Variants in LOC128462377 observed in about 807,000 individuals in gnomAD.
At chr16:89,366,071 A>G in the LOC128462377 span, among the ~76,000 whole-genome samples, 1 of 147,218 alleles carries the variant, frequency 6.8e-6, no homozygotes, top group Non-Finnish European at 1.5e-5. Context: ...TGGAGGTTGC[A>G]GTGAGCTAAA....
the LOC128462377 span, among the ~76,000 whole-genome samples, chr16:89,346,251 A>G: frequency 6.2e-4 from 24 of 38,820 alleles, 1 homozygote; most frequent in Admixed American, 1.2e-3. Flanking sequence ...CCGTCTCAGG[A>G]AAAAAAAAAA....
chr16:89,379,444 G>A, the LOC128462377 span, among the ~76,000 whole-genome samples: 1 of 152,198 alleles, frequency 6.6e-6, no homozygotes, highest in African/African-American at 2.4e-5. Flanking sequence ...CCCTGTCAGG[G>A]CATCCAAAAC....
chr16:89,347,806 C>G, the LOC128462377 span, among the ~76,000 whole-genome samples: 731 of 152,216 alleles, frequency 4.8e-3, 8 homozygotes, highest in African/African-American at 0.017. Context: ...TTAGGAAAAA[C>G]ATATTCAGTT....
chr16:89,397,767 A>G, the LOC128462377 span, among the ~76,000 whole-genome samples: 1 of 152,234 alleles, frequency 6.6e-6, no homozygotes, highest in Non-Finnish European at 1.5e-5. Flanking sequence ...CTTCTGATTG[A>G]CAGGCAAGGG....
At chr16:89,323,011 T>C in the LOC128462377 span, 2 of 305,470 alleles carry the variant, frequency 6.5e-6, no homozygotes, top group East Asian at 2.1e-4. Context: ...GCCCGGCTAA[T>C]TTCTGTACTT....
the LOC128462377 span, among the ~76,000 whole-genome samples, chr16:89,392,905 C>T: frequency 6.6e-6 from 1 of 151,816 alleles, no homozygotes; most frequent in Non-Finnish European, 1.5e-5. Context: ...GTCTAATCAC[C>T]ACCTTGGGAC....
At chr16:89,318,001 G>C in the LOC128462377 span, among the ~76,000 whole-genome samples, 2 of 152,136 alleles carry the variant, frequency 1.3e-5, no homozygotes, top group African/African-American at 2.4e-5. Context: ...AGAACTTTCC[G>C]AAGCAGCCAC....
the LOC128462377 span, among the ~76,000 whole-genome samples, chr16:89,350,060 T>C: frequency 2.0e-5 from 3 of 152,220 alleles, no homozygotes; most frequent in South Asian, 4.1e-4. Context: ...AATACATGGA[T>C]AGTCCCTTCC....
chr16:89,320,621 G>T, the LOC128462377 span, among the ~76,000 whole-genome samples: 1 of 152,252 alleles, frequency 6.6e-6, no homozygotes, highest in South Asian at 2.1e-4. Context: ...GTCCAGGGTG[G>T]TGGGAGTCCC....
chr16:89,349,861 AAC>A, the LOC128462377 span, among the ~76,000 whole-genome samples: 14,532 of 132,886 alleles, frequency 0.11, 784 homozygotes, highest in Admixed American at 0.16. Context: ...TACTTGTTAA[AAC>A]ACACACACAC....
At chr16:89,349,757 A>C in the LOC128462377 span, among the ~76,000 whole-genome samples, 24 of 152,154 alleles carry the variant, frequency 1.6e-4, no homozygotes, top group Non-Finnish European at 3.1e-4. Context: ...AAAAGCACAA[A>C]GTACCCAAGA....
the LOC128462377 span, among the ~76,000 whole-genome samples, chr16:89,331,221 T>C: frequency 6.6e-6 from 1 of 152,254 alleles, no homozygotes; most frequent in Non-Finnish European, 1.5e-5. Context: ...CCCAAAGTGC[T>C]AGGATTACAG....
chr16:89,402,638 G>T, the LOC128462377 span, among the ~76,000 whole-genome samples: 1 of 150,636 alleles, frequency 6.6e-6, no homozygotes, highest in African/African-American at 2.4e-5. Context: ...GCTGTGGGTG[G>T]GGGGGGCAGC....
At chr16:89,380,411 C>T in the LOC128462377 span, among the ~76,000 whole-genome samples, 5 of 152,194 alleles carry the variant, frequency 3.3e-5, no homozygotes, top group East Asian at 9.6e-4. Flanking sequence ...TGTGCCCAGC[C>T]CAATGATGCC....
At chr16:89,339,395 A>C in the LOC128462377 span, among the ~76,000 whole-genome samples, 14 of 152,174 alleles carry the variant, frequency 9.2e-5, no homozygotes, top group African/African-American at 3.1e-4. Context: ...AGAAACCAAG[A>C]ACTGGGAAAG....
At chr16:89,342,209 TGA>T in the LOC128462377 span, among the ~76,000 whole-genome samples, 1 of 152,198 alleles carries the variant, frequency 6.6e-6, no homozygotes, top group Non-Finnish European at 1.5e-5. Context: ...GTCTCCACCA[TGA>T]GAGAGAAAAA....
chr16:89,334,171 A>T, the LOC128462377 span, among the ~76,000 whole-genome samples: 1 of 144,610 alleles, frequency 6.9e-6, no homozygotes, highest in South Asian at 2.2e-4. Context: ...AAAAAAAAAA[A>T]AACAGAGAGA....
the LOC128462377 span, among the ~76,000 whole-genome samples, chr16:89,387,435 G>A: frequency 6.6e-6 from 1 of 152,114 alleles, no homozygotes; most frequent in South Asian, 2.1e-4. Context: ...CACTTTGGGA[G>A]GCTGAGGCGG....
chr16:89,387,881 G>T, the LOC128462377 span, among the ~76,000 whole-genome samples: 4 of 150,744 alleles, frequency 2.7e-5, no homozygotes, highest in African/African-American at 7.3e-5. Context: ...GGTGGGTGGT[G>T]GTCGGGTCTC....
Sources: allele counts gnomAD v4.1 joint callset (sites outside exome capture counted in the v4.1 genomes callset), GRCh38; gene constraint gnomAD v4.1.1; transcripts MANE v1.5.